Variants in LRRC7 observed in about 807,000 individuals in gnomAD.
LRRC7 encodes leucine rich repeat containing 7.
LRRC7 carries 23 observed loss-of-function variants against 175.7 expected under a neutral mutation model. The ratio of observed to expected loss-of-function variants is 0.13; its 90% CI spans 0.09 to 0.19. The LOEUF (loss-of-function observed/expected upper bound fraction) is 0.19, where lower values mean the gene tolerates loss of function less well. Ranked by LOEUF, LRRC7 falls within the 10% of genes least tolerant of loss-of-function variation. The pLI, the probability that LRRC7 is intolerant of heterozygous loss-of-function variation, is 1.00. For missense variants in LRRC7, 1,354 were observed against 1,904.7 expected (o/e 0.71, Z 5.38); for synonymous variants, 685 against 680.9 (o/e 1.01, Z -0.09).
chr1:69,645,715 A>C (rs1222436560), intron 1 of LRRC7, among the ~76,000 whole-genome samples: 1 of 152,098 alleles, frequency 6.6e-6, no homozygotes, highest in Non-Finnish European at 1.5e-5. Context: ...ATGTTTAATT[A>C]ATAAGTGTAT....
At chr1:69,831,259 T>A (rs543319746) in intron 5 of LRRC7, among the ~76,000 whole-genome samples, 1 of 152,044 alleles carries the variant, frequency 6.6e-6, no homozygotes, top group Non-Finnish European at 1.5e-5. Context: ...AAAAGTCATA[T>A]GTAAGTAGTT....
At chr1:69,745,989 C>T (rs1175623146) in intron 2 of LRRC7, among the ~76,000 whole-genome samples, 1 of 151,638 alleles carries the variant, frequency 6.6e-6, no homozygotes, top group African/African-American at 2.4e-5. Flanking sequence ...ATAGTTCTTT[C>T]AGTACTCTTA....
chr1:69,618,216 C>G (rs1649996250), intron 1 of LRRC7, among the ~76,000 whole-genome samples: 1 of 152,134 alleles, frequency 6.6e-6, no homozygotes, highest in Non-Finnish European at 1.5e-5. Flanking sequence ...CTGATCGAAG[C>G]ACTGGGGCTG....
At chr1:69,988,384 A>G (rs976201350) in intron 10 of LRRC7, among the ~76,000 whole-genome samples, 2 of 152,152 alleles carry the variant, frequency 1.3e-5, no homozygotes, top group African/African-American at 4.8e-5. Context: ...ACCCTAGGCA[A>G]CATAGCAAGA....
intron 1 of LRRC7, among the ~76,000 whole-genome samples, chr1:69,626,184 A>G (rs1651492494): frequency 6.6e-6 from 1 of 152,100 alleles, no homozygotes; most frequent in Non-Finnish European, 1.5e-5. Flanking sequence ...CTAGGGTGTA[A>G]CCCTCAGGAA....
intron 5 of LRRC7, among the ~76,000 whole-genome samples, chr1:69,827,514 A>C (rs1203734654): frequency 2.0e-5 from 3 of 152,184 alleles, no homozygotes; most frequent in African/African-American, 7.2e-5. Flanking sequence ...TTGTTTATCA[A>C]ATTTTAAAGT....
rs1416387964 is a variant in LRRC7, at chr1:70,142,060, A to ATAT, written c.*20175_*20177dup. ...TTATTTAGTCAGGAAATCTTATGTA[A>ATAT]TATTTTTGGACGGTCCATAGGAAAA... On this transcript the variant is annotated 3_prime_UTR_variant, in exon 27 of 27. Transcript: ENST00000651989. The ATAT allele has an allele frequency of 1.3e-5, 2 of 152,078 alleles. No individual in the cohort carries two copies. The highest frequency in any genetic ancestry group is 4.8e-5 in the African/African-American group (2 of 41,430). 9.4% of individuals were successfully genotyped at this position (152,078 alleles called of 1,614,324 possible). A position where few individuals can be genotyped will look rare whatever the true frequency, so the allele number is the denominator to read the frequency against.
intron 5 of LRRC7, among the ~76,000 whole-genome samples, chr1:69,828,425 C>A (rs1680169292): frequency 6.6e-6 from 1 of 152,086 alleles, no homozygotes; most frequent in Non-Finnish European, 1.5e-5. Flanking sequence ...TTCATCTTTG[C>A]CAGAATTTGG....
chr1:69,653,243 CAAAAT>C (rs1329345930), intron 1 of LRRC7, among the ~76,000 whole-genome samples: 1 of 151,314 alleles, frequency 6.6e-6, no homozygotes, highest in Admixed American at 6.6e-5. Context: ...AATTCAAAAA[CAAAAT>C]AACCCAATTT....
intron 2 of LRRC7, among the ~76,000 whole-genome samples, chr1:69,735,546 G>T (rs1361035505): frequency 1.3e-5 from 2 of 152,058 alleles, no homozygotes; most frequent in African/African-American, 4.8e-5. Flanking sequence ...TGACCACTTA[G>T]TGGAGGTGAT....
chr1:70,118,509 A>G (rs1306699694), intron 26 of LRRC7, among the ~76,000 whole-genome samples: 1 of 152,208 alleles, frequency 6.6e-6, no homozygotes, highest in South Asian at 2.1e-4. Flanking sequence ...TGGAGGTGAT[A>G]CAGCAACAAT....
intron 23 of LRRC7, among the ~76,000 whole-genome samples, chr1:70,059,890 C>A (rs972129417): frequency 6.6e-6 from 1 of 151,668 alleles, no homozygotes; most frequent in African/African-American, 2.4e-5. Context: ...CAGAGTAAAC[C>A]AATGTCATTT....
At chr1:69,836,944 A>G (rs1259619868) in intron 6 of LRRC7, among the ~76,000 whole-genome samples, 5 of 151,932 alleles carry the variant, frequency 3.3e-5, no homozygotes, top group Admixed American at 6.6e-5. Context: ...TGGGAGATGT[A>G]GATGAAAAAC....
intron 4 of LRRC7, among the ~76,000 whole-genome samples, chr1:69,793,008 C>T (rs1675298464): frequency 1.3e-5 from 2 of 152,072 alleles, no homozygotes; most frequent in South Asian, 4.1e-4. Flanking sequence ...AATAGGACCC[C>T]TTCATCATTA....
At chr1:70,025,325 A>G (rs1009815930) in intron 17 of LRRC7, among the ~76,000 whole-genome samples, 1 of 151,366 alleles carries the variant, frequency 6.6e-6, no homozygotes, top group African/African-American at 2.4e-5. Flanking sequence ...TAAATAATTA[A>G]TAATAAATTA....
At chr1:70,042,326 C>T (rs1189717106) in intron 21 of LRRC7, among the ~76,000 whole-genome samples, 2 of 152,188 alleles carry the variant, frequency 1.3e-5, no homozygotes, top group Non-Finnish European at 2.9e-5. Flanking sequence ...CAAAGGCAGA[C>T]TGCACCAGAG....
intron 2 of LRRC7, among the ~76,000 whole-genome samples, chr1:69,716,460 G>A (rs1665358625): frequency 6.6e-6 from 1 of 151,696 alleles, no homozygotes; most frequent in South Asian, 2.1e-4. Context: ...TTTAAATACT[G>A]TATCCTCTCT....
chr1:69,718,150 A>AAGAAAGAAAGAAAGAAAGAAAGAAAG (rs1557643559), intron 2 of LRRC7, among the ~76,000 whole-genome samples: 1 of 148,186 alleles, frequency 6.7e-6, no homozygotes, highest in African/African-American at 2.5e-5. Context: ...GAGAGAAAGA[A>AAGAAAGAAAGAAAGAAAGAAAGAAAG]AGAAAGAAAG....
In LRRC7 at chr1:70,136,892, A is replaced by AT. The variant is rs1361393376; in HGVS notation, c.*15011dup. ...AGGCATGCACCACCACTCCTGGCTA[A>AT]TTTTTTATTTTTTGCAGAGACAGAG... is the stretch of plus-strand genomic sequence containing the variant. On this transcript the variant is annotated 3_prime_UTR_variant, in exon 27 of 27. Coordinates refer to ENST00000651989, the MANE Select transcript of LRRC7 (RefSeq NM_001370785.2). 1.3e-5 allele frequency among the ~76,000 whole-genome samples: 2 copies of AT among 151,036 alleles called. No individual in the cohort carries two copies. Among genetic ancestry groups the AT allele is most frequent in the African/African-American group, 2.4e-5 (1 of 41,054 alleles).
Sources: allele counts gnomAD v4.1 joint callset (sites outside exome capture counted in the v4.1 genomes callset), GRCh38; gene constraint gnomAD v4.1.1; transcripts MANE v1.5; gene names NCBI Gene and HGNC (gene_info 2026-07-23, HGNC 2026-07-21).